Variants in DNAJC5 observed in about 807,000 individuals in gnomAD.
DNAJC5 encodes the protein DnaJ heat shock protein family (Hsp40) member C5.
In DNAJC5, 1 loss-of-function variant was observed where a neutral mutation model predicts 23.2. The ratio of observed to expected loss-of-function variants is 0.04; its 90% CI spans 0.02 to 0.20. DNAJC5 has a LOEUF of 0.20. DNAJC5 is among the 10% of genes least tolerant of loss of function. DNAJC5 has a pLI of 1.00. For synonymous variants in DNAJC5, 136 were observed against 120.0 expected (o/e 1.13, Z -0.87); for missense variants, 180 against 267.0 (o/e 0.67, Z 2.27).
rs898091669 is a variant in DNAJC5 at position 63,934,052 on chromosome 20, T to C, written c.*2484T>C. 2 of 151,916 alleles carry C rather than the reference T, an allele frequency of 1.3e-5. No homozygotes were observed. Among genetic ancestry groups the C allele is most frequent in the African/African-American group, 4.8e-5 (2 of 41,310 alleles). The allele number at this position is 151,916 out of a possible 1,614,324, so 9.4% of individuals were successfully genotyped here. ...ATCATGGTTGTGGCCATTCTCACGGTGGTGATTGTGATTAGACGACCCCCG... is the reference window on the plus strand; with the variant it reads ...ATCATGGTTGTGGCCATTCTCACGGCGGTGATTGTGATTAGACGACCCCCG... On this transcript the variant is annotated 3_prime_UTR_variant, in exon 5 of 5. Transcript: ENST00000360864.
Position 63,903,414 on chromosome 20 carries a change from T to G in DNAJC5, c.-12+8091T>G, listed in dbSNP as rs187054044. 5.9e-5 allele frequency among the ~76,000 whole-genome samples: 9 copies of G among 152,040 alleles called. 1 individual carries two copies. Among genetic ancestry groups the G allele is most frequent in the Admixed American group, 5.9e-4 (9 of 15,280 alleles). On this transcript the variant is annotated intron_variant, in intron 1 of 4. Transcript: ENST00000360864. ...CCTCCGCCTCCTGGGTTCAAGCGAT[T>G]CTCCTGCCTCAGCCTCTGTAGCAGC...
Position 63,920,062 on chromosome 20 carries a change from C to G in DNAJC5, c.-11-8273C>G, listed in dbSNP as rs552270228. The G allele has an allele frequency of 5.2e-6, 2 of 384,150 alleles. No homozygotes were observed. The highest frequency in any genetic ancestry group is 3.2e-5 in the Admixed American group (1 of 30,958). The allele number at this position is 384,150 out of a possible 1,614,324, so 23.8% of individuals were successfully genotyped here. A position where few individuals can be genotyped will look rare whatever the true frequency, so the allele number is the denominator to read the frequency against. The stretch of plus-strand genomic sequence containing the variant: ...GTGGACATGTGCCCAGGGCCCGGGA[C>G]AGCGCCACGGAAGAGGACGCACCCG... On this transcript the variant is annotated intron_variant, in intron 1 of 4. Transcript: ENST00000360864. The surrounding 1 kb of genome is among the most constrained non-coding windows in gnomAD (Gnocchi z 4.6).
intron 1 of DNAJC5, among the ~76,000 whole-genome samples, chr20:63,897,702 G>A (rs552697089): frequency 6.6e-6 from 1 of 152,228 alleles, no homozygotes; most frequent in Non-Finnish European, 1.5e-5. Flanking sequence ...ATTAAGTAGA[G>A]TGAGGTGGAA....
chr20:63,915,634 G>A (rs754891293), intron 1 of DNAJC5, among the ~76,000 whole-genome samples: 5 of 152,192 alleles, frequency 3.3e-5, no homozygotes, highest in Admixed American at 6.5e-5. Flanking sequence ...GAGCCTGGCC[G>A]TACCAGTCAT....
intron 1 of DNAJC5, among the ~76,000 whole-genome samples, chr20:63,895,767 G>C (rs1453254436): frequency 6.6e-6 from 1 of 152,210 alleles, no homozygotes; most frequent in East Asian, 1.9e-4. Flanking sequence ...TTATAGCTCG[G>C]GGAATTGAAA....
At chr20:63,914,911 C>T (rs528353455) in intron 1 of DNAJC5, among the ~76,000 whole-genome samples, 173 of 152,322 alleles carry the variant, frequency 1.1e-3, no homozygotes, top group Non-Finnish European at 1.7e-3. Flanking sequence ...CCACCACGCC[C>T]GGCCAGAGTG....
At chr20:63,898,820 G>A (rs1433806435) in intron 1 of DNAJC5, among the ~76,000 whole-genome samples, 3 of 152,194 alleles carry the variant, frequency 2.0e-5, no homozygotes, top group Admixed American at 1.3e-4. Flanking sequence ...CAGCCTGGGC[G>A]ACAGAGCGAG....
chr20:63,897,603 A>C (rs754723535), intron 1 of DNAJC5, among the ~76,000 whole-genome samples: 8 of 152,194 alleles, frequency 5.3e-5, no homozygotes, highest in Non-Finnish European at 4.4e-5. Context: ...CAGATCTGCC[A>C]GTGGTAATAA....
chr20:63,901,391 C>G (rs1000647004), intron 1 of DNAJC5, among the ~76,000 whole-genome samples: 1 of 152,196 alleles, frequency 6.6e-6, no homozygotes, highest in Non-Finnish European at 1.5e-5. Context: ...CGGCTGACTT[C>G]GGGGAGAGCT....
intron 1 of DNAJC5, among the ~76,000 whole-genome samples, chr20:63,922,559 C>T (rs902178883): frequency 3.3e-5 from 5 of 151,530 alleles, no homozygotes; most frequent in African/African-American, 1.2e-4. Context: ...ATCACTTGAG[C>T]CAAGGAATTC....
chr20:63,920,412 A>C lies in DNAJC5; in HGVS notation c.-11-7923A>C, dbSNP rs2053559080. ...GGCGTCAGCAGGGCTCTCGTCCGCC[A>C]ACGTCTGGTGGGGATGCCCGCCATG... On this transcript the variant is annotated intron_variant, in intron 1 of 4. Coordinates refer to ENST00000360864, the MANE Select transcript of DNAJC5 (RefSeq NM_025219.3). This position sits in a 1 kb window ranked among gnomAD's most constrained non-coding sequence, Gnocchi z 4.6. 6.8e-6 allele frequency among the ~76,000 whole-genome samples: 1 copy of C among 146,824 alleles called. No homozygotes were observed. The highest frequency in any genetic ancestry group is 2.1e-4 in the South Asian group (1 of 4,788).
chr20:63,911,542 G>A (rs868752135), intron 1 of DNAJC5, among the ~76,000 whole-genome samples: 5 of 152,176 alleles, frequency 3.3e-5, no homozygotes, highest in Admixed American at 1.3e-4. Flanking sequence ...GGTGATGGTC[G>A]TGGAAGCAGT....
chr20:63,909,626 A>T (rs1378842870), intron 1 of DNAJC5, among the ~76,000 whole-genome samples: 1 of 152,354 alleles, frequency 6.6e-6, no homozygotes, highest in East Asian at 1.9e-4. Context: ...GGCTGCAGTG[A>T]GCCGAGATTG....
At chr20:63,930,322 G>C (rs1600887094) in intron 3 of DNAJC5, among the ~76,000 whole-genome samples, 1 of 151,472 alleles carries the variant, frequency 6.6e-6, no homozygotes, top group Non-Finnish European at 1.5e-5. Context: ...GAGTTGAGGC[G>C]TGAACCACTG....
chr20:63,899,316 C>A (rs1204151874), intron 1 of DNAJC5, among the ~76,000 whole-genome samples: 2 of 152,148 alleles, frequency 1.3e-5, no homozygotes, highest in Admixed American at 6.5e-5. Flanking sequence ...AGCAGCTAGT[C>A]TGTTATCAGT....
Position 63,931,683 on chromosome 20 carries a change from TG to T in DNAJC5, c.*119del. Reference sequence around the variant, plus strand: ...AGCCTCCTGCCTGCCCTGGCCTTGCTGGGGCCCCTCCTGCCTCCACGCCCAC... The same window carrying T: ...AGCCTCCTGCCTGCCCTGGCCTTGCTGGGCCCCTCCTGCCTCCACGCCCAC... On this transcript the variant is annotated 3_prime_UTR_variant, in exon 5 of 5. Transcript: ENST00000360864. The surrounding 1 kb of genome is among the most constrained non-coding windows in gnomAD (Gnocchi z 9.6). 1.7e-6 allele frequency: 2 copies of T among 1,145,128 alleles called. No individual in the cohort carries two copies. Among genetic ancestry groups the T allele is most frequent in the Non-Finnish European group, 1.3e-6 (1 of 790,736 alleles). The allele number at this position is 1,145,128 out of a possible 1,614,324, so 70.9% of individuals were successfully genotyped here.
At position 63,929,351 on chromosome 20, in the gene DNAJC5, C is replaced by A. The variant is rs1015989705; in HGVS notation, c.147C>A (p.Asp49Glu). 9.3e-6 allele frequency: 15 copies of A among 1,614,032 alleles called. No individual in the cohort carries two copies. Among genetic ancestry groups the A allele is most frequent in the Non-Finnish European group, 1.3e-5 (15 of 1,180,036 alleles). ...ALKYHPDKNPDNPEAADKFKE... is the reference protein window; with the variant it reads ...ALKYHPDKNPENPEAADKFKE... ...AATATCACCCCGACAAGAACCCCGA[C>A]AACCCGGAGGCCGCGGACAAGTTTA... Residue 49 changes from aspartate (D) to glutamate (E), a missense_variant, in exon 3 of 5, where the codon GAC becomes GAA. Transcript: ENST00000360864. This position sits in a 1 kb window ranked among gnomAD's most constrained non-coding sequence, Gnocchi z 8.6.
rs887921248 is a variant in DNAJC5 at position 63,928,352 on chromosome 20, G to C, written c.7G>C (p.Asp3His). ...TCTTCTAGAATAGCCTAACATGGCA[G>C]ACCAGAGACAGCGCTCACTGTCTAC... MADQRQRSLSTSG... is the reference protein window; with the variant it reads MAHQRQRSLSTSG... Residue 3 changes from aspartate to histidine, a missense_variant, in exon 2 of 5, where the codon GAC becomes CAC. By Grantham distance (81) the Asp-to-His change is moderately conservative. Coordinates refer to ENST00000360864, the MANE Select transcript of DNAJC5 (RefSeq NM_025219.3). The surrounding 1 kb of genome is among the most constrained non-coding windows in gnomAD (Gnocchi z 4.6). 4 of 1,613,704 alleles carry C rather than the reference G, an allele frequency of 2.5e-6. No homozygotes were observed. Among genetic ancestry groups the C allele is most frequent in the African/African-American group, 1.3e-5 (1 of 74,938 alleles).
chr20:63,916,216 A>G (rs575733613), intron 1 of DNAJC5, among the ~76,000 whole-genome samples: 3 of 152,332 alleles, frequency 2.0e-5, no homozygotes, highest in Admixed American at 1.3e-4. Context: ...CAAAAGTGCT[A>G]GGATTCCGGG....
Sources: gnomAD v4.1 joint callset for allele counts (sites outside exome capture counted in the v4.1 genomes callset) on GRCh38, gnomAD v4.1.1 for gene constraint, Gnocchi (gnomAD v3.1) non-coding constraint, MANE v1.5 for transcripts, NCBI Gene and HGNC (gene_info 2026-07-23, HGNC 2026-07-21) for gene names.